The following ROR1 variants were observed in gnomAD, a reference collection of about 807,000 sequenced individuals.
ROR1 encodes the protein inactive tyrosine-protein kinase transmembrane receptor ROR1.
A neutral mutation model predicts 78.8 loss-of-function variants in ROR1; 19 were observed. The ratio of observed to expected loss-of-function variants is 0.24; its 90% CI spans 0.17 to 0.35. The LOEUF (loss-of-function observed/expected upper bound fraction) is 0.35, where lower values mean the gene tolerates loss of function less well. Ranked by LOEUF, ROR1 falls within the 10% of genes least tolerant of loss-of-function variation. The pLI is 1.00. For missense variants in ROR1, 917 were observed against 1,177.8 expected (o/e 0.78, Z 3.24); for synonymous variants, 386 against 433.6 (o/e 0.89, Z 1.36).
intron 1 of ROR1, among the ~76,000 whole-genome samples, chr1:63,971,168 A>C (rs182728252): frequency 6.6e-6 from 1 of 152,170 alleles, no homozygotes; most frequent in East Asian, 1.9e-4. Context: ...TAAAAAGTGG[A>C]CTCTGAATTC....
At chr1:64,156,831 T>C (rs1285025450) in intron 7 of ROR1, among the ~76,000 whole-genome samples, 1 of 151,916 alleles carries the variant, frequency 6.6e-6, no homozygotes, top group East Asian at 1.9e-4. Flanking sequence ...GGAACCCTAC[T>C]ATGAGAAAAT....
At chr1:64,079,544 T>C (rs1377158698) in intron 4 of ROR1, among the ~76,000 whole-genome samples, 1 of 151,356 alleles carries the variant, frequency 6.6e-6, no homozygotes, top group African/African-American at 2.4e-5. Context: ...CAGTCTCGGC[T>C]CACTGCAACC....
intron 1 of ROR1, among the ~76,000 whole-genome samples, chr1:63,817,301 C>T (rs907423349): frequency 5.3e-5 from 8 of 152,100 alleles, no homozygotes; most frequent in African/African-American, 9.7e-5. Flanking sequence ...AGGGTATAGC[C>T]GGGGCAGAGG....
chr1:64,063,295 T>TTCG (rs1646931202), intron 4 of ROR1, among the ~76,000 whole-genome samples: 1 of 152,228 alleles, frequency 6.6e-6, no homozygotes, highest in South Asian at 2.1e-4. Flanking sequence ...TGTTTTCTTC[T>TTCG]TCGTGGTTTA....
intron 1 of ROR1, among the ~76,000 whole-genome samples, chr1:63,892,588 A>G (rs1645406044): frequency 6.6e-6 from 1 of 152,176 alleles, no homozygotes; most frequent in Non-Finnish European, 1.5e-5. Flanking sequence ...GCCCTAGGTC[A>G]CCAACCAGTG....
intron 7 of ROR1, chr1:64,143,287 G>A (rs1425180518): frequency 8.3e-6 from 8 of 965,540 alleles, no homozygotes; most frequent in African/African-American, 7.1e-5. Flanking sequence ...TAGGAAGGCC[G>A]AGGCAGGAGG....
chr1:63,924,752 G>GAGC (rs377549925), intron 1 of ROR1, among the ~76,000 whole-genome samples: 1,629 of 152,196 alleles, frequency 0.011, 20 homozygotes, highest in Middle Eastern at 0.031. Flanking sequence ...TTTAACAAGA[G>GAGC]AGCAGCACAG....
At chr1:63,933,543 C>T (rs902400913) in intron 1 of ROR1, among the ~76,000 whole-genome samples, 1 of 152,190 alleles carries the variant, frequency 6.6e-6, no homozygotes, top group East Asian at 1.9e-4. Context: ...CTAACTCCAT[C>T]GCAGAAGGGT....
intron 2 of ROR1, among the ~76,000 whole-genome samples, chr1:64,049,164 C>T (rs1007311307): frequency 6.6e-6 from 1 of 152,116 alleles, no homozygotes; most frequent in African/African-American, 2.4e-5. Context: ...GCCTTCATAA[C>T]CTTATATTGT....
At chr1:63,893,722 C>T (rs1316116262) in intron 1 of ROR1, among the ~76,000 whole-genome samples, 1 of 152,062 alleles carries the variant, frequency 6.6e-6, no homozygotes, top group Non-Finnish European at 1.5e-5. Context: ...TATCGGTAAT[C>T]TCTGGATGGT....
At chr1:64,113,389 C>T (rs1196539215) in intron 4 of ROR1, among the ~76,000 whole-genome samples, 1 of 152,160 alleles carries the variant, frequency 6.6e-6, no homozygotes, top group East Asian at 1.9e-4. Flanking sequence ...CAGGTACCAT[C>T]CCTATATTCT....
intron 1 of ROR1, among the ~76,000 whole-genome samples, chr1:63,887,496 C>A (rs1165495550): frequency 6.6e-6 from 1 of 152,090 alleles, no homozygotes; most frequent in Non-Finnish European, 1.5e-5. Context: ...AGCTATAGAA[C>A]ATTTGCGTTA....
At chr1:63,843,778 C>A in intron 1 of ROR1, 1 of 390,618 alleles carries the variant, frequency 2.6e-6, no homozygotes. Flanking sequence ...TCTGTTCCTT[C>A]TTTGCACCAT....
At chr1:64,063,755 A>G (rs1302166834) in intron 4 of ROR1, among the ~76,000 whole-genome samples, 1 of 151,752 alleles carries the variant, frequency 6.6e-6, no homozygotes, top group Non-Finnish European at 1.5e-5. Flanking sequence ...TCCACCTTAG[A>G]CTCACCCAGG....
chr1:64,004,292 A>G (rs745476331), intron 1 of ROR1, among the ~76,000 whole-genome samples: 9 of 152,222 alleles, frequency 5.9e-5, no homozygotes, highest in Non-Finnish European at 1.3e-4. Flanking sequence ...AAACACAACA[A>G]TATATAAAAT....
intron 4 of ROR1, among the ~76,000 whole-genome samples, chr1:64,105,037 AC>A (rs1226996479): frequency 4.6e-5 from 7 of 152,220 alleles, no homozygotes; most frequent in Admixed American, 3.9e-4. Flanking sequence ...GAATTGCTGT[AC>A]TGTCTTCCAC....
At chr1:64,023,871 AT>A (rs1646585835) in intron 2 of ROR1, among the ~76,000 whole-genome samples, 1 of 152,122 alleles carries the variant, frequency 6.6e-6, no homozygotes, top group African/African-American at 2.4e-5. Flanking sequence ...TGTAATCCAA[AT>A]TGTAATCCCC....
intron 2 of ROR1, among the ~76,000 whole-genome samples, chr1:64,010,597 A>C (rs1248420972): frequency 6.6e-6 from 1 of 152,176 alleles, no homozygotes; most frequent in Non-Finnish European, 1.5e-5. Context: ...AGTCATTGTC[A>C]TAAATGGTCT....
At chr1:63,796,957 A>G (rs1398407692) in intron 1 of ROR1, among the ~76,000 whole-genome samples, 1 of 152,192 alleles carries the variant, frequency 6.6e-6, no homozygotes, top group Non-Finnish European at 1.5e-5. Flanking sequence ...CATATATGAA[A>G]GTGCTTTGAT....
Sources: gnomAD v4.1 joint callset for allele counts (sites outside exome capture counted in the v4.1 genomes callset) on GRCh38, gnomAD v4.1.1 for gene constraint, MANE v1.5 for transcripts, NCBI Gene and HGNC (gene_info 2026-07-23, HGNC 2026-07-21) for gene names.